Variants in CERS6 observed in about 807,000 individuals in gnomAD.
CERS6 encodes LAG1 homolog, ceramide synthase 6.
CERS6 carries 26 observed loss-of-function variants against 56.8 expected under a neutral mutation model. The ratio of observed to expected loss-of-function variants is 0.46; its 90% CI spans 0.34 to 0.63. The LOEUF is 0.63. Among genes scored for constraint, CERS6 ranks in the 30% least tolerant of loss-of-function variants. The pLI is 0.01. For synonymous variants in CERS6, 164 were observed against 173.3 expected (o/e 0.95, Z 0.42); for missense variants, 415 against 467.5 (o/e 0.89, Z 1.04).
intron 4 of CERS6, among the ~76,000 whole-genome samples, chr2:168,665,131 A>G (rs1407904116): frequency 6.6e-6 from 1 of 152,152 alleles, no homozygotes; most frequent in Non-Finnish European, 1.5e-5. Flanking sequence ...CAACAATCAT[A>G]TATGAGGTTT....
chr2:168,681,080 T>C (rs7562607), intron 4 of CERS6, among the ~76,000 whole-genome samples: 55,053 of 152,102 alleles, frequency 0.36, 11,498 homozygotes, highest in Non-Finnish European at 0.47. Flanking sequence ...CTTGAAACAA[T>C]GTGTGAATGA....
At chr2:168,649,432 C>T (rs960135123) in intron 4 of CERS6, among the ~76,000 whole-genome samples, 1 of 151,982 alleles carries the variant, frequency 6.6e-6, no homozygotes, top group African/African-American at 2.4e-5. Context: ...TATTGTATTA[C>T]GTCTTAATGT....
chr2:168,552,349 TACACACACAC>T lies in CERS6; in HGVS notation c.276+4681_276+4690del, dbSNP rs56340726. Reference sequence around the variant, plus strand: ...AAACCCCCACCCTACATACAGAGTATACACACACACACACACACACACACACACACACACA... The same window carrying T: ...AAACCCCCACCCTACATACAGAGTATACACACACACACACACACACACACA... On this transcript the variant is annotated intron_variant, in intron 2 of 9. Transcript: ENST00000305747. Among the ~76,000 whole-genome samples the T allele has an allele frequency of 4.2e-4, 59 of 140,094 alleles. 1 individual carries two copies. The highest frequency in any genetic ancestry group is 6.3e-4 in the East Asian group (3 of 4,744). The allele number at this position is 140,094 out of a possible 152,430, so 91.9% of individuals were successfully genotyped here.
At chr2:168,592,812 GTTA>G (rs1300640205) in intron 3 of CERS6, among the ~76,000 whole-genome samples, 1 of 152,162 alleles carries the variant, frequency 6.6e-6, no homozygotes, top group African/African-American at 2.4e-5. Flanking sequence ...CTTTTTGGGT[GTTA>G]TTATGTATAT....
chr2:168,746,315 G>C (rs1178918221), intron 8 of CERS6, among the ~76,000 whole-genome samples: 1 of 152,018 alleles, frequency 6.6e-6, no homozygotes, highest in Non-Finnish European at 1.5e-5. Context: ...TTATGAAAGG[G>C]GTTTTCTTTT....
At chr2:168,625,965 C>T (rs1465501060) in intron 3 of CERS6, among the ~76,000 whole-genome samples, 6 of 152,102 alleles carry the variant, frequency 3.9e-5, no homozygotes, top group African/African-American at 7.2e-5. Context: ...ATCATTTTAG[C>T]TGAATACATT....
chr2:168,474,051 A>G (rs1694024833), intron 1 of CERS6, among the ~76,000 whole-genome samples: 1 of 152,228 alleles, frequency 6.6e-6, no homozygotes, highest in Non-Finnish European at 1.5e-5. Flanking sequence ...TCAACACAGC[A>G]AGATCATGTC....
chr2:168,506,413 T>G (rs1327582633), intron 1 of CERS6, among the ~76,000 whole-genome samples: 1 of 152,230 alleles, frequency 6.6e-6, no homozygotes, highest in Non-Finnish European at 1.5e-5. Flanking sequence ...TTCTGTAAAC[T>G]AGATCAGTGT....
At chr2:168,458,653 TAGA>T (rs1372007919) in intron 1 of CERS6, among the ~76,000 whole-genome samples, 1 of 152,218 alleles carries the variant, frequency 6.6e-6, no homozygotes, top group Non-Finnish European at 1.5e-5. Context: ...TTGATCTAAG[TAGA>T]AGAGATTTAA....
At chr2:168,699,112 T>C (rs554532035) in intron 6 of CERS6, among the ~76,000 whole-genome samples, 21 of 152,320 alleles carry the variant, frequency 1.4e-4, no homozygotes, top group African/African-American at 5.1e-4. Context: ...CTTTGCGTCT[T>C]GCTGAATGGC....
chr2:168,739,052 A>ATTTTTTTTTTTT (rs59967315), intron 8 of CERS6, among the ~76,000 whole-genome samples: 8 of 87,624 alleles, frequency 9.1e-5, no homozygotes, highest in African/African-American at 2.0e-4. Context: ...CACCCGGCTA[A>ATTTTTTTTTTTT]TTTTTTTTTT....
At chr2:168,670,401 T>G (rs1685877948) in intron 4 of CERS6, among the ~76,000 whole-genome samples, 1 of 152,064 alleles carries the variant, frequency 6.6e-6, no homozygotes, top group Non-Finnish European at 1.5e-5. Context: ...ATCCCAGAGC[T>G]CTTTCCAGGA....
chr2:168,660,826 G>T (rs1685610389), intron 4 of CERS6, among the ~76,000 whole-genome samples: 1 of 152,114 alleles, frequency 6.6e-6, no homozygotes, highest in Non-Finnish European at 1.5e-5. Flanking sequence ...TAAGTTTGTT[G>T]CAGTATGGAA....
intron 1 of CERS6, among the ~76,000 whole-genome samples, chr2:168,545,615 C>G (rs541686632): frequency 6.6e-6 from 1 of 152,020 alleles, no homozygotes; most frequent in East Asian, 1.9e-4. Flanking sequence ...ACAGGGCACA[C>G]AGAGAATGTC....
intron 1 of CERS6, among the ~76,000 whole-genome samples, chr2:168,483,247 A>G (rs1242642608): frequency 2.6e-5 from 4 of 151,746 alleles, no homozygotes; most frequent in Non-Finnish European, 5.9e-5. Flanking sequence ...GATTAGGCTC[A>G]TGGAGGTATA....
At chr2:168,514,812 C>T (rs1480406601) in intron 1 of CERS6, among the ~76,000 whole-genome samples, 1 of 152,088 alleles carries the variant, frequency 6.6e-6, no homozygotes, top group Non-Finnish European at 1.5e-5. Flanking sequence ...TCAAGAATGG[C>T]TATAGAATTA....
At chr2:168,599,504 G>A (rs1285905628) in intron 3 of CERS6, among the ~76,000 whole-genome samples, 3 of 152,098 alleles carry the variant, frequency 2.0e-5, no homozygotes, top group African/African-American at 4.8e-5. Flanking sequence ...GAACATTGTC[G>A]GAGTAAATCC....
intron 4 of CERS6, among the ~76,000 whole-genome samples, chr2:168,647,072 G>A (rs762226859): frequency 4.6e-5 from 7 of 152,194 alleles, no homozygotes; most frequent in Non-Finnish European, 1.0e-4. Flanking sequence ...TGTGAAGAAT[G>A]TCATTGATAG....
At chr2:168,659,293 G>T (rs1401855406) in intron 4 of CERS6, among the ~76,000 whole-genome samples, 1 of 152,078 alleles carries the variant, frequency 6.6e-6, no homozygotes, top group Admixed American at 6.5e-5. Context: ...GTGGGAAAAT[G>T]TTCAAATAGT....
Sources: gnomAD v4.1 joint callset for allele counts (sites outside exome capture counted in the v4.1 genomes callset) on GRCh38, gnomAD v4.1.1 for gene constraint, MANE v1.5 for transcripts, NCBI Gene and HGNC (gene_info 2026-07-23, HGNC 2026-07-21) for gene names.